The following SPATS2L variants were observed in gnomAD, a reference collection of about 807,000 sequenced individuals.
SPATS2L encodes spermatogenesis associated serine rich 2 like, also known as SPATS2-like protein.
In SPATS2L, 30 loss-of-function variants were observed where a neutral mutation model predicts 59.6. That is an observed-to-expected ratio of 0.50 (90% confidence interval 0.38 to 0.68). The LOEUF (loss-of-function observed/expected upper bound fraction) is 0.68. Ranked by LOEUF, SPATS2L falls within the 30% of genes least tolerant of loss-of-function variation. The probability of loss-of-function intolerance (pLI) is 0.00; values close to 1 mark genes in which losing one functional copy is unlikely to be tolerated. For synonymous variants in SPATS2L, 252 were observed against 263.5 expected (o/e 0.96, Z 0.42); for missense variants, 615 against 700.0 (o/e 0.88, Z 1.37).
At chr2:200,336,992 A>G (rs571297774) in intron 2 of SPATS2L, among the ~76,000 whole-genome samples, 4 of 152,342 alleles carry the variant, frequency 2.6e-5, no homozygotes. Context: ...AGAGACAGAT[A>G]TGGTAATAAC....
intron 1 of SPATS2L, among the ~76,000 whole-genome samples, chr2:200,322,986 C>T (rs1239500034): frequency 6.6e-6 from 1 of 152,110 alleles, no homozygotes; most frequent in Non-Finnish European, 1.5e-5. Flanking sequence ...GGTTTCCCTC[C>T]AGTCATTTTA....
At chr2:200,424,581 A>G (rs955613583) in intron 6 of SPATS2L, among the ~76,000 whole-genome samples, 4 of 152,328 alleles carry the variant, frequency 2.6e-5, no homozygotes, top group African/African-American at 9.6e-5. Flanking sequence ...TCTAAAGCAC[A>G]TGTTGACCTT....
At position 200,307,229 on chromosome 2, in the gene SPATS2L, C is replaced by T. The variant is rs575427715; in HGVS notation, c.-73+307C>T. ...CGGGCGAGCGTGTGGCCGCCGCGCT[C>T]CGACGTGTACCCGCCCGCCCCGGAT... is the stretch of plus-strand genomic sequence containing the variant. On this transcript the variant is annotated intron_variant, in intron 1 of 12. Coordinates refer to ENST00000409140, the MANE Select transcript of SPATS2L (RefSeq NM_001100423.2). Among the ~76,000 whole-genome samples the T allele has an allele frequency of 1.4e-3, 205 of 151,748 alleles. 1 individual carries two copies. Among genetic ancestry groups the T allele is most frequent in the Non-Finnish European group, 2.5e-3 (173 of 67,850 alleles).
intron 8 of SPATS2L, among the ~76,000 whole-genome samples, chr2:200,444,922 A>G (rs1167391317): frequency 1.3e-5 from 2 of 151,932 alleles, no homozygotes; most frequent in Non-Finnish European, 2.9e-5. Flanking sequence ...ATCTTATGTA[A>G]CTTACTAAAC....
intron 10 of SPATS2L, chr2:200,469,656 G>A (rs540671195): frequency 2.3e-5 from 9 of 395,194 alleles, no homozygotes; most frequent in African/African-American, 1.6e-4. Context: ...TTAAATAGAT[G>A]AGTCAGACAC....
At chr2:200,328,127 G>A (rs2079816820) in intron 1 of SPATS2L, among the ~76,000 whole-genome samples, 1 of 152,130 alleles carries the variant, frequency 6.6e-6, no homozygotes, top group Admixed American at 6.5e-5. Flanking sequence ...CCAGTCTGCT[G>A]GACACTTGGG....
intron 1 of SPATS2L, among the ~76,000 whole-genome samples, chr2:200,315,351 T>G (rs1341264285): frequency 1.3e-5 from 2 of 152,140 alleles, no homozygotes; most frequent in Non-Finnish European, 2.9e-5. Flanking sequence ...CCAGCCATCA[T>G]CAGAAGTGGG....
At chr2:200,353,473 A>G (rs1484411993) in intron 2 of SPATS2L, among the ~76,000 whole-genome samples, 1 of 152,166 alleles carries the variant, frequency 6.6e-6, no homozygotes, top group Non-Finnish European at 1.5e-5. Flanking sequence ...ATTTTTCAAA[A>G]GAAGTCACTA....
intron 6 of SPATS2L, among the ~76,000 whole-genome samples, chr2:200,436,510 A>C (rs983707217): frequency 6.6e-6 from 1 of 152,126 alleles, no homozygotes; most frequent in Non-Finnish European, 1.5e-5. Context: ...ATCTCTACTC[A>C]CATTTCTCAA....
At chr2:200,431,838 C>T (rs1398193685) in intron 6 of SPATS2L, among the ~76,000 whole-genome samples, 1 of 152,140 alleles carries the variant, frequency 6.6e-6, no homozygotes, top group Non-Finnish European at 1.5e-5. Flanking sequence ...TTTTCTTTGG[C>T]ACTGCTAACA....
At chr2:200,465,253 G>C (rs185481363) in intron 9 of SPATS2L, among the ~76,000 whole-genome samples, 29 of 152,360 alleles carry the variant, frequency 1.9e-4, no homozygotes, top group Admixed American at 7.2e-4. Context: ...GGCTTCAGCC[G>C]TTTGTCACCA....
intron 12 of SPATS2L, among the ~76,000 whole-genome samples, chr2:200,476,175 G>A (rs149862598): frequency 1.8e-4 from 28 of 152,090 alleles, no homozygotes; most frequent in African/African-American, 6.5e-4. Flanking sequence ...ATCCATTTAC[G>A]TTCCTGGTCA....
chr2:200,369,414 C>T (rs1022455162), intron 2 of SPATS2L, among the ~76,000 whole-genome samples: 3 of 152,142 alleles, frequency 2.0e-5, no homozygotes, highest in African/African-American at 7.2e-5. Context: ...CCACCTTGGC[C>T]TCCCAAAGTG....
At chr2:200,313,273 T>C (rs920777697) in intron 1 of SPATS2L, among the ~76,000 whole-genome samples, 2 of 152,230 alleles carry the variant, frequency 1.3e-5, no homozygotes, top group African/African-American at 4.8e-5. Context: ...AAAGGCTTGG[T>C]AATCTACCAA....
intron 1 of SPATS2L, among the ~76,000 whole-genome samples, chr2:200,319,591 A>G (rs1460127387): frequency 2.1e-5 from 3 of 144,854 alleles, no homozygotes; most frequent in Admixed American, 1.4e-4. Flanking sequence ...AAAAAAAAGC[A>G]TCTTGAATGC....
At chr2:200,342,029 T>C (rs1163958296) in intron 2 of SPATS2L, among the ~76,000 whole-genome samples, 1 of 152,186 alleles carries the variant, frequency 6.6e-6, no homozygotes, top group Non-Finnish European at 1.5e-5. Context: ...ATATCATTGT[T>C]TTCCTTTTAC....
At position 200,440,744 on chromosome 2, in the gene SPATS2L, G is replaced by T. The variant is rs562876187; in HGVS notation, c.748G>T (p.Val250Leu). The T allele has an allele frequency of 8.1e-6, 13 of 1,613,502 alleles. No individual in the cohort carries two copies. Among genetic ancestry groups the T allele is most frequent in the Middle Eastern group, 3.3e-4 (2 of 6,082 alleles). The change falls in exon 8 of 13, where the codon GTG becomes TTG. Residue 250 changes from valine to leucine, a missense_variant. Physicochemically the swap from Val to Leu is conservative, Grantham distance 32 (BLOSUM62 1). Transcript: ENST00000409140. ...GATTAAGGAAGAAGTGGATAGTTCC[G>T]TGAAGAAGATCAAAGCTGCCTTTGC... Reference protein sequence around the residue: ...VMIKEEVDSSVKKIKAAFAEL... With the variant: ...VMIKEEVDSSLKKIKAAFAEL...
chr2:200,369,988 G>A (rs2081378627), intron 2 of SPATS2L, among the ~76,000 whole-genome samples: 1 of 152,214 alleles, frequency 6.6e-6, no homozygotes, highest in Non-Finnish European at 1.5e-5. Flanking sequence ...CAAAATGTGA[G>A]TAAGAAGGAA....
At chr2:200,402,891 A>G (rs1236583852) in intron 3 of SPATS2L, among the ~76,000 whole-genome samples, 1 of 152,232 alleles carries the variant, frequency 6.6e-6, no homozygotes, top group African/African-American at 2.4e-5. Flanking sequence ...ACAAAATTGG[A>G]AGGAATGGCT....
Sources: gnomAD v4.1 joint callset for allele counts (sites outside exome capture counted in the v4.1 genomes callset) on GRCh38, gnomAD v4.1.1 for gene constraint, MANE v1.5 for transcripts, NCBI Gene and HGNC (gene_info 2026-07-23, HGNC 2026-07-21) for gene names.